COL28A1: variants seen among roughly 807,000 people sequenced by gnomAD.
COL28A1 encodes collagen type XXVIII alpha 1 chain.
Under a neutral mutation model 150.2 loss-of-function variants are expected in COL28A1, and 161 were observed. The ratio of observed to expected loss-of-function variants is 1.07; its 90% CI spans 0.94 to 1.22. The LOEUF (loss-of-function observed/expected upper bound fraction) is 1.22, where lower values mean the gene tolerates loss of function less well. Among genes scored for constraint, COL28A1 ranks in the 50% most tolerant of loss-of-function variants. The pLI, the probability that COL28A1 is intolerant of heterozygous loss-of-function variation, is 0.00. For missense variants in COL28A1, 1,617 were observed against 1,388.3 expected, an observed-to-expected ratio of 1.16 and a Z score of -2.62; for synonymous variants, 552 against 469.7, an observed-to-expected ratio of 1.18 and a Z score of -2.26.
chr7:7,486,201 C>T (rs562379011), intron 13 of COL28A1, among the ~76,000 whole-genome samples: 1 of 152,142 alleles, frequency 6.6e-6, no homozygotes, highest in South Asian at 2.1e-4. Flanking sequence ...TCTTTTTTAG[C>T]AATTAAAAAT....
intron 2 of COL28A1, among the ~76,000 whole-genome samples, chr7:7,532,340 A>C (rs952745666): frequency 6.6e-6 from 1 of 151,930 alleles, no homozygotes; most frequent in African/African-American, 2.4e-5. Flanking sequence ...AAATGACTAT[A>C]CCCCCTATAC....
chr7:7,494,256 T>G (rs2128373496), intron 11 of COL28A1, among the ~76,000 whole-genome samples: 1 of 152,304 alleles, frequency 6.6e-6, no homozygotes, highest in African/African-American at 2.4e-5. Flanking sequence ...AAATAGATTT[T>G]GGGGTTTGGG....
At chr7:7,384,339 A>G (rs1171189999) in intron 27 of COL28A1, among the ~76,000 whole-genome samples, 1 of 152,226 alleles carries the variant, frequency 6.6e-6, no homozygotes, top group Non-Finnish European at 1.5e-5. Context: ...GGGAACAAGT[A>G]GGGATGATTG....
chr7:7,410,347 C>A (rs114979405), intron 27 of COL28A1, among the ~76,000 whole-genome samples: 1 of 152,208 alleles, frequency 6.6e-6, no homozygotes, highest in East Asian at 1.9e-4. Flanking sequence ...ACACCCTCGA[C>A]CCCCTGCCAC....
chr7:7,438,697 C>A (rs1181951273), intron 21 of COL28A1, among the ~76,000 whole-genome samples: 2 of 152,118 alleles, frequency 1.3e-5, no homozygotes, highest in African/African-American at 4.8e-5. Flanking sequence ...AGTATGATAG[C>A]TTATAAACAG....
rs185752478 is a variant in COL28A1, at chr7:7,432,807, G to T, written c.1861-107C>A. ...TATGCCAACGGTCGATTTCTAACCCGGGAGTTAGAAAATGACTTATTGCTA... is the reference window on the plus strand; with the variant it reads ...TATGCCAACGGTCGATTTCTAACCCTGGAGTTAGAAAATGACTTATTGCTA... On this transcript the variant is annotated intron_variant, in intron 23 of 34. Coordinates refer to ENST00000399429, the MANE Select transcript of COL28A1 (RefSeq NM_001037763.3). 3.1e-5 allele frequency: 25 copies of T among 816,560 alleles called. No individual in the cohort carries two copies. The African/African-American group carries it at 3.9e-4, about 13-fold the overall frequency. 50.6% of individuals were successfully genotyped at this position (816,560 alleles called of 1,614,324 possible). A position where few individuals can be genotyped will look rare whatever the true frequency, so the allele number is the denominator to read the frequency against.
At position 7,531,497 on chromosome 7, in the gene COL28A1, C is replaced by T. The variant is rs1272928057; in HGVS notation, c.532G>A (p.Ala178Thr). The change falls in exon 3 of 35, where the codon GCC (alanine) becomes ACC (threonine). Residue 178 changes from alanine (A) to threonine (T), a missense_variant. Ala to Thr is a moderately conservative substitution (Grantham distance 58). Transcript: ENST00000399429. ...NPDVQSISEDARISGISFITI... is the reference protein window; with the variant it reads ...NPDVQSISEDTRISGISFITI... ...ATAAATGATATTCCTGAAATTCTGG[C>T]ATCTTCAGAAATACTTTGAACATCT... 5 of 1,610,206 alleles carry T rather than the reference C, an allele frequency of 3.1e-6. No homozygotes were observed. Among genetic ancestry groups the T allele is most frequent in the Non-Finnish European group, 4.2e-6 (5 of 1,176,534 alleles).
chr7:7,466,096 C>T (rs1166431378), intron 15 of COL28A1, among the ~76,000 whole-genome samples: 1 of 136,332 alleles, frequency 7.3e-6, no homozygotes, highest in Non-Finnish European at 1.6e-5. Context: ...CAGAACAAAG[C>T]TGGATGGAGA....
At chr7:7,451,399 T>A (rs1786681217) in intron 18 of COL28A1, among the ~76,000 whole-genome samples, 1 of 152,096 alleles carries the variant, frequency 6.6e-6, no homozygotes. Context: ...CTAATTTTTG[T>A]ATTTTTAGTA....
intron 32 of COL28A1, among the ~76,000 whole-genome samples, chr7:7,371,989 T>C (rs1187244609): frequency 6.6e-6 from 1 of 151,354 alleles, no homozygotes; most frequent in Non-Finnish European, 1.5e-5. Flanking sequence ...CACGCCACCA[T>C]GCCCAGCTAA....
intron 27 of COL28A1, among the ~76,000 whole-genome samples, chr7:7,391,105 T>G (rs140870587): frequency 2.0e-5 from 3 of 152,234 alleles, no homozygotes; most frequent in Non-Finnish European, 4.4e-5. Context: ...CTTTCTCTTG[T>G]GGGCATTTCG....
rs569508703 is a variant in COL28A1 at position 7,373,845 on chromosome 7, G to A, written c.2360-299C>T. 6.9e-4 allele frequency among the ~76,000 whole-genome samples: 104 copies of A among 151,160 alleles called. No individual in the cohort carries two copies. Among genetic ancestry groups the A allele is most frequent in the African/African-American group, 2.4e-3 (98 of 41,180 alleles). On this transcript the variant is annotated intron_variant, in intron 31 of 34. Coordinates refer to ENST00000399429, the MANE Select transcript of COL28A1 (RefSeq NM_001037763.3). The surrounding 1 kb of genome is among the most constrained non-coding windows in gnomAD (Gnocchi z 4.1). ...CTCCCGAGTAGCTGGGACTACAGGC[G>A]CCCGCCACCTCGCCTGGCTAATTTT... is the stretch of plus-strand genomic sequence containing the variant.
chr7:7,454,217 G>A (rs922013316), intron 16 of COL28A1, among the ~76,000 whole-genome samples: 1 of 152,140 alleles, frequency 6.6e-6, no homozygotes, highest in African/African-American at 2.4e-5. Context: ...TTGTAAACAT[G>A]TTGCTGGAAA....
chr7:7,376,863 C>G (rs904038936), intron 30 of COL28A1, among the ~76,000 whole-genome samples: 4 of 152,194 alleles, frequency 2.6e-5, no homozygotes, highest in Admixed American at 1.3e-4. Context: ...GATACACACT[C>G]TCACACTGTA....
intron 27 of COL28A1, among the ~76,000 whole-genome samples, chr7:7,400,629 T>C (rs1469197123): frequency 6.6e-6 from 1 of 151,982 alleles, no homozygotes; most frequent in African/African-American, 2.4e-5. Flanking sequence ...GCATTACAGA[T>C]TTTTTGTCTG....
chr7:7,498,486 G>A (rs1025949111), intron 11 of COL28A1, among the ~76,000 whole-genome samples: 3 of 152,090 alleles, frequency 2.0e-5, no homozygotes, highest in African/African-American at 7.2e-5. Flanking sequence ...GGAGTTATTG[G>A]TTAATGGGTA....
intron 8 of COL28A1, 25 bp downstream of exon 8, chr7:7,515,789 A>T: frequency 1.1e-6 from 1 of 930,986 alleles, no homozygotes; most frequent in Non-Finnish European, 1.8e-6. Flanking sequence ...AATTCTGGTC[A>T]ATCTATTTGT....
rs369938474 is a variant in COL28A1 at position 7,415,545 on chromosome 7, G to GT, written c.2136+2313dup. Among the ~76,000 whole-genome samples, 213 of 152,178 alleles carry GT rather than the reference G, an allele frequency of 1.4e-3. 1 individual carries two copies. Among genetic ancestry groups the GT allele is most frequent in the African/African-American group, 4.8e-3 (201 of 41,510 alleles). On this transcript the variant is annotated intron_variant, in intron 27 of 34. Transcript: ENST00000399429. ...AGAGGTTTTTCTGGTTGTTTTGTTT[G>GT]TTTTTTGAGACAGAGTCTAACTCTG...
At chr7:7,453,716 G>C (rs906024193) in intron 16 of COL28A1, among the ~76,000 whole-genome samples, 9 of 152,092 alleles carry the variant, frequency 5.9e-5, no homozygotes, top group African/African-American at 1.9e-4. Context: ...CCGTATATCT[G>C]CCTAGAATAA....
Sources: gnomAD v4.1 joint callset for allele counts (sites outside exome capture counted in the v4.1 genomes callset) on GRCh38, gnomAD v4.1.1 for gene constraint, Gnocchi (gnomAD v3.1) non-coding constraint, MANE v1.5 for transcripts, NCBI Gene and HGNC (gene_info 2026-07-23, HGNC 2026-07-21) for gene names.